Variants in POM121C observed in about 807,000 individuals in gnomAD.
POM121C encodes the protein nuclear envelope pore membrane protein POM 121C.
A neutral mutation model predicts 66.4 loss-of-function variants in POM121C; 20 were observed. That is an observed-to-expected ratio of 0.30 (90% CI 0.21 to 0.44). The LOEUF is 0.44. Ranked by LOEUF, POM121C falls within the 20% of genes least tolerant of loss-of-function variation. POM121C has a pLI of 1.00. For synonymous variants in POM121C, 286 were observed against 528.0 expected (o/e 0.54, Z 6.28); for missense variants, 580 against 1,225.7 (o/e 0.47, Z 7.87).
chr7:75,471,249 C>T (rs1231555101), intron 3 of POM121C, among the ~76,000 whole-genome samples: 10 of 152,110 alleles, frequency 6.6e-5, no homozygotes, highest in Non-Finnish European at 1.3e-4. Context: ...TGCTCTGTCA[C>T]CCAGGCTGGA....
chr7:75,418,981 TAA>T, intron 14 of POM121C, 88 bp from the exon 15 acceptor site: 1 of 1,485,836 alleles, frequency 6.7e-7, no homozygotes, highest in Non-Finnish European at 9.0e-7. Flanking sequence ...GCCAGGCCAG[TAA>T]TAAAACACAG....
intron 3 of POM121C, among the ~76,000 whole-genome samples, chr7:75,468,462 C>T (rs1427839285): frequency 2.6e-5 from 4 of 151,870 alleles, no homozygotes; most frequent in Admixed American, 2.0e-4. Flanking sequence ...GGATTACATG[C>T]GCCCACCACC....
At position 75,474,758 on chromosome 7, in the gene POM121C, G is replaced by C; in HGVS notation, c.-206C>G. On this transcript the variant is annotated 5_prime_UTR_variant, in exon 3 of 15. Transcript: ENST00000615331. The stretch of plus-strand genomic sequence containing the variant: ...CCCGTTATCCACAGCTCCTCTCCCT[G>C]CTCCAACTTAATGATGACGTTTGGC... The C allele has an allele frequency of 7.0e-7, 1 of 1,427,822 alleles. No individual in the cohort carries two copies. The allele number at this position is 1,427,822 out of a possible 1,614,324, so 88.4% of individuals were successfully genotyped here.
chr7:75,482,697 GA>G (rs1453266169), intron 1 of POM121C, among the ~76,000 whole-genome samples: 1 of 151,396 alleles, frequency 6.6e-6, no homozygotes, highest in African/African-American at 2.4e-5. Context: ...CTCAAAAAAA[GA>G]AAAAAAGAAA....
chr7:75,423,682 G>C (rs1410278760), intron 12 of POM121C, among the ~76,000 whole-genome samples: 1 of 152,162 alleles, frequency 6.6e-6, no homozygotes, highest in African/African-American at 2.4e-5. Flanking sequence ...CAAAGTGCTG[G>C]AGGGAAAGGA....
At chr7:75,466,829 T>A (rs1791672077) in intron 3 of POM121C, among the ~76,000 whole-genome samples, 1 of 151,816 alleles carries the variant, frequency 6.6e-6, no homozygotes, top group South Asian at 2.1e-4. Flanking sequence ...AGACCCTGCA[T>A]GCATCAAAAT....
intron 7 of POM121C, among the ~76,000 whole-genome samples, chr7:75,428,056 T>C (rs1470185298): frequency 9.2e-5 from 14 of 152,082 alleles, no homozygotes; most frequent in Non-Finnish European, 1.9e-4. Context: ...ATCCAAGGAT[T>C]GAATATATAA....
chr7:75,460,782 C>G (rs2116479217), intron 3 of POM121C, among the ~76,000 whole-genome samples: 1 of 152,280 alleles, frequency 6.6e-6, no homozygotes, highest in Non-Finnish European at 1.5e-5. Flanking sequence ...CCAGGGCGAG[C>G]AGCGGAACTC....
intron 12 of POM121C, 72 bp downstream of exon 12, chr7:75,423,977 C>A (rs1396159622): frequency 2.6e-5 from 40 of 1,530,718 alleles, no homozygotes; most frequent in Non-Finnish European, 3.2e-5. Context: ...CTGACAGGCA[C>A]GACGCCCTTA....
intron 1 of POM121C, among the ~76,000 whole-genome samples, chr7:75,477,964 G>C (rs1257074164): frequency 6.6e-6 from 1 of 151,990 alleles, no homozygotes; most frequent in Admixed American, 6.6e-5. Flanking sequence ...TTTTGTTTTT[G>C]TTTTTGTTTT....
rs782217655 is a variant in POM121C, at chr7:75,439,223, G to A, written c.229C>T (p.Arg77Cys). Residue 77 changes from arginine to cysteine, a missense_variant and splice_region_variant, in exon 6 of 15, where the codon CGC becomes TGC. By Grantham distance (180) the Arg-to-Cys change is radical (BLOSUM62 -3). Coordinates refer to ENST00000615331, the MANE Select transcript of POM121C (RefSeq NM_001099415.3). ...TGTCCACTGCCACTGCTATCATGGC[G>A]CCTGCGACAAATCAAAAAAGTCTCA... is the stretch of plus-strand genomic sequence containing the variant. ...FLDGQENKRR[R>C]HDSSGSGHSA... The A allele has an allele frequency of 1.2e-5, 19 of 1,614,088 alleles. No homozygotes were observed. The highest frequency in any genetic ancestry group is 1.6e-4 in the Middle Eastern group (1 of 6,084).
intron 12 of POM121C, among the ~76,000 whole-genome samples, chr7:75,423,585 G>C (rs1789811566): frequency 6.6e-6 from 1 of 151,252 alleles, no homozygotes; most frequent in South Asian, 2.1e-4. Flanking sequence ...AGCAGGGAGG[G>C]TGCGTACGAA....
chr7:75,436,818 G>A (rs782165996), intron 7 of POM121C, among the ~76,000 whole-genome samples: 2 of 150,692 alleles, frequency 1.3e-5, no homozygotes, highest in African/African-American at 2.4e-5. Flanking sequence ...ACACAGTCTC[G>A]CTCTGTTGCA....
At chr7:75,440,100 C>T (rs1284616577) in intron 5 of POM121C, among the ~76,000 whole-genome samples, 3 of 151,422 alleles carry the variant, frequency 2.0e-5, no homozygotes, top group Non-Finnish European at 2.9e-5. Flanking sequence ...AGGCTGGTCT[C>T]GAACTCCTGA....
chr7:75,417,284 G>A lies in POM121C; in HGVS notation c.*1512C>T, dbSNP rs1156371474. 6.4e-5 allele frequency: 55 copies of A among 858,994 alleles called. No individual in the cohort carries two copies. In the African/African-American group the frequency reaches 7.1e-4, roughly 11 times the overall value. 53.2% of individuals were successfully genotyped at this position (858,994 alleles called of 1,614,324 possible). A position where few individuals can be genotyped will look rare whatever the true frequency, so the allele number is the denominator to read the frequency against. On this transcript the variant is annotated 3_prime_UTR_variant, in exon 15 of 15. Coordinates refer to ENST00000615331, the MANE Select transcript of POM121C (RefSeq NM_001099415.3). ...GCTCTAGTCCCCCAGGAAAGCTGCCGGGGACAGCATTTGAGCCTCTTCTTT... is the reference window on the plus strand; with the variant it reads ...GCTCTAGTCCCCCAGGAAAGCTGCCAGGGACAGCATTTGAGCCTCTTCTTT...
intron 7 of POM121C, among the ~76,000 whole-genome samples, chr7:75,427,143 T>C (rs1789975094): frequency 2.0e-5 from 3 of 152,334 alleles, no homozygotes; most frequent in Admixed American, 1.3e-4. Flanking sequence ...TACGCTGTCA[T>C]GGCCAGGCGT....
At position 75,417,144 on chromosome 7, in the gene POM121C, A is replaced by G; in HGVS notation, c.*1652T>C. On this transcript the variant is annotated 3_prime_UTR_variant, in exon 15 of 15. Transcript: ENST00000615331. ...AGGTTCACTCCCTCCTCAGCTGCAC[A>G]CGCAGCCAGGTATAACACTCGCCCT... 1 of 1,001,260 alleles carries G rather than the reference A, an allele frequency of 1.0e-6. No homozygotes were observed. The highest frequency in any genetic ancestry group is 1.2e-6 in the Non-Finnish European group (1 of 836,186). 62.0% of individuals were successfully genotyped at this position (1,001,260 alleles called of 1,614,324 possible).
intron 3 of POM121C, among the ~76,000 whole-genome samples, chr7:75,464,856 C>CAAAAAAAAAAAAAAAA (rs35562594): frequency 1.1e-3 from 31 of 28,776 alleles, no homozygotes; most frequent in Non-Finnish European, 1.3e-3. Context: ...AACTCCATCT[C>CAAAAAAAAAAAAAAAA]AAAAAAAAAA....
At chr7:75,442,477 G>A (rs1158921177) in intron 3 of POM121C, 10 of 1,408,068 alleles carry the variant, frequency 7.1e-6, no homozygotes, top group Admixed American at 5.9e-5. Context: ...TCTGAACGAA[G>A]GAGGACAAGG....
Sources: allele counts gnomAD v4.1 joint callset (sites outside exome capture counted in the v4.1 genomes callset), GRCh38; gene constraint gnomAD v4.1.1; transcripts MANE v1.5; gene names NCBI Gene and HGNC (gene_info 2026-07-23, HGNC 2026-07-21).